Variants in FRAS1 observed in about 807,000 individuals in gnomAD.
The protein encoded by FRAS1 is Fraser extracellular matrix complex subunit 1, also known as extracellular matrix organizing protein FRAS1.
In FRAS1, 290 loss-of-function variants were observed where a neutral mutation model predicts 435.2. The ratio of observed to expected loss-of-function variants is 0.67; its 90% CI spans 0.61 to 0.73. FRAS1 has a LOEUF of 0.73. Among genes scored for constraint, FRAS1 ranks in the 30% least tolerant of loss-of-function variants. FRAS1 has a pLI of 0.00. For missense variants in FRAS1, 4,860 were observed against 5,001.5 expected (o/e 0.97, Z 0.85); for synonymous variants, 1,800 against 1,851.0 (o/e 0.97, Z 0.71).
At chr4:78,464,397 A>G in intron 48 of FRAS1, 46 bp from the exon 49 acceptor site, 3 of 1,610,672 alleles carry the variant, frequency 1.9e-6, no homozygotes, top group Non-Finnish European at 2.5e-6. Flanking sequence ...CTTGTTGGGT[A>G]GGTGCTAGGG....
intron 49 of FRAS1, among the ~76,000 whole-genome samples, chr4:78,464,950 C>A (rs889554944): frequency 3.3e-5 from 5 of 152,000 alleles, no homozygotes; most frequent in African/African-American, 1.2e-4. Context: ...ACCTATATAC[C>A]CTTTCTCCCT....
At chr4:78,470,717 G>A (rs112307379) in intron 51 of FRAS1, among the ~76,000 whole-genome samples, 17 of 152,280 alleles carry the variant, frequency 1.1e-4, no homozygotes, top group Middle Eastern at 3.4e-3. Flanking sequence ...CAAGTACTAT[G>A]CCATTTTGTA....
In FRAS1 at chr4:78,387,622, C is replaced by T. The variant is rs1732269878; in HGVS notation, c.3896C>T (p.Thr1299Ile). 17 of 1,610,440 alleles carry T rather than the reference C, an allele frequency of 1.1e-5. No homozygotes were observed. The highest frequency in any genetic ancestry group is 1.4e-5 in the Non-Finnish European group (17 of 1,177,314). Residue 1299 changes from threonine (T) to isoleucine (I), a missense_variant, in exon 29 of 74, where the codon ACA (threonine) becomes ATA (isoleucine). Thr to Ile is a moderately conservative substitution (Grantham distance 89). Transcript: ENST00000512123. Reference sequence around the variant, plus strand: ...TATGCTCATGATGGTTCAGACAGCACATCCGATGTTGCAGTCTTGCAGGCC... The same window carrying T: ...TATGCTCATGATGGTTCAGACAGCATATCCGATGTTGCAGTCTTGCAGGCC... ...LHYAHDGSDS[T>I]SDVAVLQAND... is the part of the protein sequence containing the mutation.
intron 70 of FRAS1, among the ~76,000 whole-genome samples, chr4:78,528,320 A>G (rs1721605888): frequency 6.6e-6 from 1 of 152,212 alleles, no homozygotes; most frequent in Non-Finnish European, 1.5e-5. Context: ...ACCTATGTAT[A>G]CACTTGTGAA....
At chr4:78,062,610 C>G (rs1739807924) in intron 1 of FRAS1, among the ~76,000 whole-genome samples, 2 of 152,002 alleles carry the variant, frequency 1.3e-5, no homozygotes, top group Non-Finnish European at 2.9e-5. Context: ...AGAATATATG[C>G]AAATTATATC....
chr4:78,237,244 A>G (rs1022840696), intron 2 of FRAS1, among the ~76,000 whole-genome samples: 1 of 152,142 alleles, frequency 6.6e-6, no homozygotes, highest in Non-Finnish European at 1.5e-5. Flanking sequence ...TTTCAGGCCA[A>G]TCGATGATTT....
intron 1 of FRAS1, among the ~76,000 whole-genome samples, chr4:78,061,460 T>C (rs996490463): frequency 4.6e-5 from 7 of 152,162 alleles, no homozygotes; most frequent in Non-Finnish European, 1.0e-4. Flanking sequence ...GTTAAGAGAA[T>C]TGAGCTTTAG....
intron 2 of FRAS1, among the ~76,000 whole-genome samples, chr4:78,074,432 T>C (rs554876307): frequency 1.8e-4 from 28 of 152,248 alleles, no homozygotes; most frequent in Admixed American, 7.2e-4. Flanking sequence ...TGTAGATATG[T>C]GTAGTAGTAG....
chr4:78,539,834 A>G (rs193003704), intron 73 of FRAS1, among the ~76,000 whole-genome samples: 1 of 152,354 alleles, frequency 6.6e-6, no homozygotes, highest in African/African-American at 2.4e-5. Flanking sequence ...AAGAATTACT[A>G]TTTGATAAAC....
chr4:78,169,404 G>A (rs1399738602), intron 2 of FRAS1, among the ~76,000 whole-genome samples: 3 of 152,016 alleles, frequency 2.0e-5, no homozygotes, highest in Non-Finnish European at 4.4e-5. Context: ...TTTGAATCTC[G>A]ACTCTGCCGC....
At chr4:78,117,080 T>C (rs973976132) in intron 2 of FRAS1, among the ~76,000 whole-genome samples, 1 of 152,242 alleles carries the variant, frequency 6.6e-6, no homozygotes, top group Non-Finnish European at 1.5e-5. Flanking sequence ...TATTTCTCCT[T>C]CACTTATGAA....
intron 2 of FRAS1, among the ~76,000 whole-genome samples, chr4:78,202,554 G>A (rs1723086455): frequency 6.6e-6 from 1 of 152,178 alleles, no homozygotes; most frequent in African/African-American, 2.4e-5. Flanking sequence ...AGTAGAGGAA[G>A]GAGGTACACG....
At chr4:78,264,598 G>T (rs1476378656) in intron 6 of FRAS1, among the ~76,000 whole-genome samples, 1 of 152,164 alleles carries the variant, frequency 6.6e-6, no homozygotes, top group African/African-American at 2.4e-5. Context: ...GTACTCAGAA[G>T]TCCTGCTGCC....
chr4:78,261,165 T>G (rs1033399611), intron 6 of FRAS1, among the ~76,000 whole-genome samples: 3 of 152,252 alleles, frequency 2.0e-5, no homozygotes, highest in Admixed American at 6.5e-5. Context: ...GATTTTAATT[T>G]GATAATTTTG....
At chr4:78,125,828 C>G (rs995481879) in intron 2 of FRAS1, among the ~76,000 whole-genome samples, 1 of 152,186 alleles carries the variant, frequency 6.6e-6, no homozygotes, top group Non-Finnish European at 1.5e-5. Context: ...TCAGGCTACA[C>G]GGTGGTCAGG....
chr4:78,519,437 A>C lies in FRAS1; in HGVS notation c.10496A>C (p.Glu3499Ala). 1 of 1,612,254 alleles carries C rather than the reference A, an allele frequency of 6.2e-7. No individual in the cohort carries two copies. The highest frequency in any genetic ancestry group is 2.2e-5 in the East Asian group (1 of 44,808). The change falls in exon 67 of 74, where the codon GAG becomes GCG. Residue 3499 changes from glutamate to alanine, a missense_variant. By Grantham distance (107) the Glu-to-Ala change is moderately radical. Coordinates refer to ENST00000512123, the MANE Select transcript of FRAS1 (RefSeq NM_025074.7). ...TGGGCCTCCTTGGAGCACCACACCG[A>C]GATGGAGTTTTCTTTCTTCTATGAC... is the stretch of plus-strand genomic sequence containing the variant. Reference protein sequence around the residue: ...RGWASLEHHTEMEFSFFYDTV... With the variant: ...RGWASLEHHTAMEFSFFYDTV...
chr4:78,080,311 T>C (rs974908456), intron 2 of FRAS1, among the ~76,000 whole-genome samples: 2 of 152,114 alleles, frequency 1.3e-5, no homozygotes, highest in Non-Finnish European at 2.9e-5. Context: ...GGAGGCATAA[T>C]TGCGGTATTC....
At chr4:78,407,890 C>T in intron 31 of FRAS1, 49 bp downstream of exon 31, 1 of 1,450,860 alleles carries the variant, frequency 6.9e-7, no homozygotes, top group Non-Finnish European at 9.3e-7. Flanking sequence ...TCCAATAATC[C>T]AATCGCTCTT....
intron 14 of FRAS1, among the ~76,000 whole-genome samples, chr4:78,294,224 G>A (rs950304771): frequency 2.6e-5 from 4 of 152,202 alleles, no homozygotes; most frequent in Admixed American, 6.5e-5. Context: ...AGCTGTGTTA[G>A]TGCAGCCAGG....
Sources: gnomAD v4.1 joint callset for allele counts (sites outside exome capture counted in the v4.1 genomes callset) on GRCh38, gnomAD v4.1.1 for gene constraint, MANE v1.5 for transcripts, NCBI Gene and HGNC (gene_info 2026-07-23, HGNC 2026-07-21) for gene names.